GPX7: variants seen among roughly 807,000 people sequenced by gnomAD.
The protein encoded by GPX7 is glutathione peroxidase 7.
GPX7 carries 21 observed loss-of-function variants against 23.7 expected under a neutral mutation model. That is an observed-to-expected ratio of 0.89 (90% confidence interval 0.63 to 1.28). The LOEUF is 1.28. Among genes scored for constraint, GPX7 ranks in the 50% most tolerant of loss-of-function variants. GPX7 has a pLI of 0.00. For synonymous variants in GPX7, 112 were observed against 101.8 expected (o/e 1.10, Z -0.61); for missense variants, 238 against 237.3 (o/e 1.00, Z -0.02).
chr1:52,607,063 C>T, intron 2 of GPX7, 118 bp downstream of exon 2: 1 of 985,218 alleles, frequency 1.0e-6, no homozygotes, highest in Non-Finnish European at 1.6e-6. Flanking sequence ...CCTTCCTGAT[C>T]ATCTCAGGTG....
intron 2 of GPX7, among the ~76,000 whole-genome samples, chr1:52,607,914 C>G (rs1169173212): frequency 6.6e-6 from 1 of 152,074 alleles, no homozygotes; most frequent in Non-Finnish European, 1.5e-5. Context: ...TGAAACCAGT[C>G]CATGGACTAA....
At chr1:52,606,437 G>A (rs1690852514) in intron 1 of GPX7, among the ~76,000 whole-genome samples, 1 of 152,220 alleles carries the variant, frequency 6.6e-6, no homozygotes, top group South Asian at 2.1e-4. Flanking sequence ...AGATGTTCAT[G>A]TATGTGTGCA....
At position 52,602,481 on chromosome 1, in the gene GPX7, C is replaced by G; in HGVS notation, c.72C>G (p.Asp24Glu). The G allele has an allele frequency of 1.3e-6, 2 of 1,557,328 alleles. No homozygotes were observed. The highest frequency in any genetic ancestry group is 1.7e-6 in the Non-Finnish European group (2 of 1,156,450). Residue 24 changes from aspartate (D) to glutamate (E), a missense_variant, in exon 1 of 3, where the codon GAC (aspartate) becomes GAG (glutamate). Transcript: ENST00000361314. ...CGGCCTGCGCGCAGCAGGAGCAGGA[C>G]TTCTACGACTTCAAGGCGGTCAACA... Reference protein sequence around the residue: ...WAAACAQQEQDFYDFKAVNIR... With the variant: ...WAAACAQQEQEFYDFKAVNIR...
chr1:52,606,572 G>C, intron 1 of GPX7, 112 bp from the exon 2 acceptor site: 1 of 1,165,014 alleles, frequency 8.6e-7, no homozygotes, highest in Non-Finnish European at 1.2e-6. Flanking sequence ...TATGTGTGAG[G>C]CAGTATTAAC....
Position 52,604,440 on chromosome 1 carries a change from T to C in GPX7, c.138+1893T>C, listed in dbSNP as rs186206593. Among the ~76,000 whole-genome samples, 6 of 152,332 alleles carry C rather than the reference T, an allele frequency of 3.9e-5. No homozygotes were observed. The East Asian group carries it at 1.2e-3, about 29-fold the overall frequency. On this transcript the variant is annotated intron_variant, in intron 1 of 2. Transcript: ENST00000361314. The stretch of plus-strand genomic sequence containing the variant: ...GACATAGTCATGAGCAAGATTGACA[T>C]GGTTGATGCCCTCAGGCTAATTGGG...
intron 2 of GPX7, among the ~76,000 whole-genome samples, chr1:52,607,726 AT>A (rs1278325320): frequency 5.3e-5 from 8 of 151,780 alleles, no homozygotes; most frequent in Non-Finnish European, 2.9e-5. Flanking sequence ...CCTAATGTTG[AT>A]TTTTTTCTCT....
chr1:52,607,127 G>C, intron 2 of GPX7, 182 bp downstream of exon 2: 2 of 643,704 alleles, frequency 3.1e-6, no homozygotes, highest in Non-Finnish European at 5.5e-6. Flanking sequence ...GCAGGTAGAA[G>C]CTGAGGGGTA....
At chr1:52,605,791 C>T (rs905497226) in intron 1 of GPX7, among the ~76,000 whole-genome samples, 4 of 152,108 alleles carry the variant, frequency 2.6e-5, no homozygotes, top group African/African-American at 2.4e-5. Context: ...GACAACATGG[C>T]GAGAACTGTC....
chr1:52,602,558 G>T lies in GPX7; in HGVS notation c.138+11G>T, dbSNP rs1463588089. 4 of 1,537,004 alleles carry T rather than the reference G, an allele frequency of 2.6e-6. No individual in the cohort carries two copies. Among genetic ancestry groups the T allele is most frequent in the Non-Finnish European group, 3.5e-6 (4 of 1,144,770 alleles). ...AAGTACCGCGGATCGGTGAGTGCGC[G>T]GGGTCTGGCGGCGCCGCTGGGCCCG... On this transcript the variant is annotated intron_variant, in intron 1 of 2. Coordinates refer to ENST00000361314, the MANE Select transcript of GPX7 (RefSeq NM_015696.5).
In GPX7 at chr1:52,608,573, A is replaced by T; in HGVS notation, c.*148A>T. 1.8e-6 allele frequency: 1 copy of T among 553,736 alleles called. No individual in the cohort carries two copies. Among genetic ancestry groups the T allele is most frequent in the East Asian group, 3.5e-5 (1 of 28,956 alleles). 34.3% of individuals were successfully genotyped at this position (553,736 alleles called of 1,614,324 possible). ...TGGTCCCATCATTCTTGTGGGGGAA[A>T]AATTCTAGTATTTTGATTATTTGAA... On this transcript the variant is annotated 3_prime_UTR_variant, in exon 3 of 3. Coordinates refer to ENST00000361314, the MANE Select transcript of GPX7 (RefSeq NM_015696.5).
intron 2 of GPX7, 112 bp downstream of exon 2, chr1:52,607,057 C>A: frequency 2.8e-6 from 3 of 1,053,156 alleles, no homozygotes; most frequent in Admixed American, 2.0e-5. Context: ...CCTTCCCCTT[C>A]CTGATCATCT....
At position 52,606,774 on chromosome 1, in the gene GPX7, C is replaced by T. The variant is rs1690858247; in HGVS notation, c.229C>T (p.His77Tyr). 2.5e-6 allele frequency: 4 copies of T among 1,614,190 alleles called. No homozygotes were observed. Among genetic ancestry groups the T allele is most frequent in the Non-Finnish European group, 3.4e-6 (4 of 1,180,034 alleles). Residue 77 changes from histidine (H) to tyrosine (Y), a missense_variant, in exon 2 of 3, where the codon CAC becomes TAC. Coordinates refer to ENST00000361314, the MANE Select transcript of GPX7 (RefSeq NM_015696.5). The part of the protein sequence containing the change: ...LQQLQRDLGP[H>Y]HFNVLAFPCN... ...GCAGCTGCAGCGAGACCTGGGCCCC[C>T]ACCACTTTAACGTGCTCGCCTTCCC...
chr1:52,607,172 C>T, intron 2 of GPX7: 2 of 570,434 alleles, frequency 3.5e-6, no homozygotes, highest in South Asian at 4.8e-5. Flanking sequence ...CCTGCTGCCT[C>T]TCACTTGTCC....
Position 52,606,698 on chromosome 1 carries a change from G to T in GPX7, c.153G>T (p.Val51=). 1 of 1,613,716 alleles carries T rather than the reference G, an allele frequency of 6.2e-7. No individual in the cohort carries two copies. Among genetic ancestry groups the T allele is most frequent in the Non-Finnish European group, 8.5e-7 (1 of 1,179,988 alleles). ...CTGTCATACAGGTGTCCCTGGTGGTGAATGTGGCCAGCGAGTGCGGCTTCA... is the reference window on the plus strand; with the variant it reads ...CTGTCATACAGGTGTCCCTGGTGGTTAATGTGGCCAGCGAGTGCGGCTTCA... The part of the protein sequence containing the change: ...EKYRGSVSLV[V]NVASECGFTD... The change falls in exon 2 of 3, where the codon GTG becomes GTT. Residue 51 remains valine (V), a synonymous_variant. Transcript: ENST00000361314.
chr1:52,602,723 C>A (rs1469335479), intron 1 of GPX7, among the ~76,000 whole-genome samples, 176 bp downstream of exon 1: 1 of 151,024 alleles, frequency 6.6e-6, no homozygotes, highest in Non-Finnish European at 1.5e-5. Context: ...GCGGCGCCCC[C>A]ATCCCGCGCC....
rs1242154930 is a variant in GPX7 at position 52,608,341 on chromosome 1, C to T, written c.480C>T (p.Asp160=). The change falls in exon 3 of 3, where the codon GAC becomes GAT. Residue 160 remains aspartate, a synonymous_variant. Transcript: ENST00000361314. Reference sequence around the variant, plus strand: ...ATGGAAAGGTGGTAGGGGCTTGGGACCCAACTGTGTCAGTGGAGGAGGTCA... The same window carrying T: ...ATGGAAAGGTGGTAGGGGCTTGGGATCCAACTGTGTCAGTGGAGGAGGTCA... ...APDGKVVGAW[D]PTVSVEEVRP... is the part of the protein sequence containing the mutation. 6.2e-7 allele frequency: 1 copy of T among 1,614,000 alleles called. No homozygotes were observed. The highest frequency in any genetic ancestry group is 1.7e-5 in the Admixed American group (1 of 60,010).
At position 52,608,502 on chromosome 1, in the gene GPX7, C is replaced by A; in HGVS notation, c.*77C>A. 7.7e-7 allele frequency: 1 copy of A among 1,302,394 alleles called. No individual in the cohort carries two copies. The highest frequency in any genetic ancestry group is 1.0e-6 in the Non-Finnish European group (1 of 957,388). The allele number at this position is 1,302,394 out of a possible 1,614,324, so 80.7% of individuals were successfully genotyped here. A position where few individuals can be genotyped will look rare whatever the true frequency, so the allele number is the denominator to read the frequency against. ...ACCAATGCAAACTCAAATGGTGCTTCAAAGGGAGAGACCCACTGACTCTCC... is the reference window on the plus strand; with the variant it reads ...ACCAATGCAAACTCAAATGGTGCTTAAAAGGGAGAGACCCACTGACTCTCC... On this transcript the variant is annotated 3_prime_UTR_variant, in exon 3 of 3. Transcript: ENST00000361314.
At chr1:52,603,054 C>G (rs905101700) in intron 1 of GPX7, among the ~76,000 whole-genome samples, 1 of 152,100 alleles carries the variant, frequency 6.6e-6, no homozygotes, top group Non-Finnish European at 1.5e-5. Flanking sequence ...AGACCTCACA[C>G]GGATCATCCC....
chr1:52,606,966 C>T, intron 2 of GPX7, 21 bp downstream of exon 2: 3 of 1,609,312 alleles, frequency 1.9e-6, no homozygotes, highest in South Asian at 1.1e-5. Flanking sequence ...GTCTCTTCAT[C>T]CCCTCACACC....
Sources: gnomAD v4.1 joint callset for allele counts (sites outside exome capture counted in the v4.1 genomes callset) on GRCh38, gnomAD v4.1.1 for gene constraint, MANE v1.5 for transcripts, NCBI Gene and HGNC (gene_info 2026-07-23, HGNC 2026-07-21) for gene names.